The following GPR85 variants were observed in gnomAD, a reference collection of about 807,000 sequenced individuals.
The protein encoded by GPR85 is G protein-coupled receptor 85, also known as probable G protein-coupled receptor 85.
Under a neutral mutation model 21.3 loss-of-function variants are expected in GPR85, and 7 were observed. The ratio of observed to expected loss-of-function variants is 0.33; its 90% CI spans 0.19 to 0.62. GPR85 has a LOEUF of 0.62. Among genes scored for constraint, GPR85 ranks in the 20% least tolerant of loss-of-function variants. The pLI, the probability that GPR85 is intolerant of heterozygous loss-of-function variation, is 0.80. For missense variants in GPR85, 299 were observed against 443.8 expected (o/e 0.67, Z 2.93); for synonymous variants, 167 against 166.1 (o/e 1.01, Z -0.04).
chr7:113,084,442 A>T lies in GPR85; in HGVS notation c.280T>A (p.Cys94Ser). 1 of 1,614,106 alleles carries T rather than the reference A, an allele frequency of 6.2e-7. No homozygotes were observed. Among genetic ancestry groups the T allele is most frequent in the Non-Finnish European group, 8.5e-7 (1 of 1,179,952 alleles). ...ACCCCCAGAAAGGCAATCACTTTGC[A>T]AGTCAGAGTCCCATAAGTCCAGGTA... is the stretch of plus-strand genomic sequence containing the variant. ...GSTWTYGTLT[C>S]KVIAFLGVLS... The change falls in exon 3 of 3, where the codon TGC (cysteine) becomes AGC (serine). Residue 94 changes from cysteine (C) to serine (S), a missense_variant. By Grantham distance (112) the Cys-to-Ser change is moderately radical. This residue lies in a region of GPR85 where 101 missense variants were observed against 108.4 expected (regional missense o/e 0.93). Coordinates refer to ENST00000424100, the MANE Select transcript of GPR85 (RefSeq NM_001146267.2).
In GPR85 at chr7:113,083,479, C is replaced by A. The variant is rs1334240625; in HGVS notation, c.*130G>T. ...TATAGGTGAACTATTGCAAAGACTG[C>A]AGAATGTTGCCCAAATCCTTAAAAC... On this transcript the variant is annotated 3_prime_UTR_variant, in exon 3 of 3. Coordinates refer to ENST00000424100, the MANE Select transcript of GPR85 (RefSeq NM_001146267.2). The surrounding 1 kb of genome is among the most constrained non-coding windows in gnomAD (Gnocchi z 4.4). The A allele has an allele frequency of 3.7e-6, 3 of 810,676 alleles. No homozygotes were observed. Among genetic ancestry groups the A allele is most frequent in the Non-Finnish European group, 4.0e-6 (2 of 494,822 alleles). 50.2% of individuals were successfully genotyped at this position (810,676 alleles called of 1,614,324 possible).
rs571679337 is a variant in GPR85 at position 113,084,299 on chromosome 7, C to G, written c.423G>C (p.Val141=). Residue 141 remains valine, a synonymous_variant, in exon 3 of 3, where the codon GTG becomes GTC. Coordinates refer to ENST00000424100, the MANE Select transcript of GPR85 (RefSeq NM_001146267.2). ...CAGACAGAGTCCACACCATACAGAT[C>G]ACAGCCAGACACGTCCAAAAGGTCA... ...KRLTFWTCLA[V]ICMVWTLSVA... 6.8e-6 allele frequency: 11 copies of G among 1,614,108 alleles called. No individual in the cohort carries two copies. The East Asian group carries it at 8.9e-5, about 13-fold the overall frequency.
In GPR85 at chr7:113,086,402, T is replaced by TTTTTTTG. The variant is rs1794289077; in HGVS notation, c.-370_-369insCAAAAAA. On this transcript the variant is annotated 5_prime_UTR_variant, in exon 1 of 3. It introduces an in-frame stop codon into an upstream open reading frame of the 5' UTR. Coordinates refer to ENST00000424100, the MANE Select transcript of GPR85 (RefSeq NM_001146267.2). ...TTTTTCTTTTTTTCTTTTTCTTTTTTTTTTTTTTTTTTTTGTTTTTTGTTT... is the reference window on the plus strand; with the variant it reads ...TTTTTCTTTTTTTCTTTTTCTTTTTTTTTTTTGTTTTTTTTTTTTTTGTTTTTTGTTT... The TTTTTTTG allele has an allele frequency of 1.1e-5, 1 of 91,278 alleles. No homozygotes were observed. The highest frequency in any genetic ancestry group is 1.2e-4 in the Admixed American group (1 of 8,112). The allele number at this position is 91,278 out of a possible 1,614,324, so 5.7% of individuals were successfully genotyped here.
In GPR85 at chr7:113,084,785, A is replaced by G. The variant is rs182480888; in HGVS notation, c.-64T>C. On this transcript the variant is annotated 5_prime_UTR_variant, in exon 3 of 3. Coordinates refer to ENST00000424100, the MANE Select transcript of GPR85 (RefSeq NM_001146267.2). ...TCATGATCTAGATATAAGAACAAGGAAAAGATAGATCCATACATTTTACTG... is the reference window on the plus strand; with the variant it reads ...TCATGATCTAGATATAAGAACAAGGGAAAGATAGATCCATACATTTTACTG... The G allele has an allele frequency of 3.4e-4, 398 of 1,172,030 alleles. No homozygotes were observed. Among genetic ancestry groups the G allele is most frequent in the Admixed American group, 1.1e-3 (49 of 43,674 alleles). 72.6% of individuals were successfully genotyped at this position (1,172,030 alleles called of 1,614,324 possible). A position where few individuals can be genotyped will look rare whatever the true frequency, so the allele number is the denominator to read the frequency against.
In GPR85 at chr7:113,083,604, C is replaced by T; in HGVS notation, c.*5G>A. Reference sequence around the variant, plus strand: ...TCACAAGGCTAAAGATTTACAGATGCTCCCTCATATAACACAGTAAGGTTC... The same window carrying T: ...TCACAAGGCTAAAGATTTACAGATGTTCCCTCATATAACACAGTAAGGTTC... On this transcript the variant is annotated 3_prime_UTR_variant, in exon 3 of 3. Coordinates refer to ENST00000424100, the MANE Select transcript of GPR85 (RefSeq NM_001146267.2). This position sits in a 1 kb window ranked among gnomAD's most constrained non-coding sequence, Gnocchi z 4.4. 6.2e-7 allele frequency: 1 copy of T among 1,604,494 alleles called. No homozygotes were observed. Among genetic ancestry groups the T allele is most frequent in the Non-Finnish European group, 8.5e-7 (1 of 1,175,214 alleles).
At chr7:113,087,621 G>C (rs1794341196), upstream of GPR85, 1 of 154,442 alleles carries the variant, frequency 6.5e-6, no homozygotes, top group African/African-American at 2.4e-5. Context: ...TAGCAGACAC[G>C]CTTTCATTAA....
chr7:113,084,002 A>G lies in GPR85; in HGVS notation c.720T>C (p.Ala240=). The change falls in exon 3 of 3, where the codon GCT becomes GCC. Residue 240 remains alanine, a synonymous_variant. Transcript: ENST00000424100. ...TTCCAAATCCTGCTAGCCAATTGGC[A>G]GCTGCCTGGCCACTGGCTCCAGGAC... The part of the protein sequence containing the change: ...FHGPGASGQA[A]ANWLAGFGRG... The G allele has an allele frequency of 1.2e-6, 2 of 1,614,178 alleles. No individual in the cohort carries two copies. The highest frequency in any genetic ancestry group is 1.7e-6 in the Non-Finnish European group (2 of 1,180,026).
chr7:113,085,481 C>T (rs1298146125), intron 2 of GPR85, among the ~76,000 whole-genome samples: 1 of 152,220 alleles, frequency 6.6e-6, no homozygotes, highest in Admixed American at 6.5e-5. Context: ...CTCCACCCTA[C>T]CCCCCATTTC....
intron 2 of GPR85, among the ~76,000 whole-genome samples, chr7:113,085,469 C>T (rs2115768641): frequency 6.6e-6 from 1 of 152,272 alleles, no homozygotes; most frequent in South Asian, 2.1e-4. Flanking sequence ...TTGTCTTTCC[C>T]TCTCCACCCT....
rs1482237373 is a variant in GPR85 at position 113,082,929 on chromosome 7, C to A, written c.*680G>T. The stretch of plus-strand genomic sequence containing the variant: ...AAACTTTATACCAAATCAACAAAAA[C>A]CACATAATACAGTTCAATGCTAGCA... On this transcript the variant is annotated 3_prime_UTR_variant, in exon 3 of 3. Coordinates refer to ENST00000424100, the MANE Select transcript of GPR85 (RefSeq NM_001146267.2). The A allele has an allele frequency of 6.6e-6, 1 of 152,496 alleles. No individual in the cohort carries two copies. Among genetic ancestry groups the A allele is most frequent in the East Asian group, 1.9e-4 (1 of 5,188 alleles). 9.4% of individuals were successfully genotyped at this position (152,496 alleles called of 1,614,324 possible).
rs1176014726 is a variant in GPR85, at chr7:113,083,983, A to G, written c.739T>C (p.Phe247Leu). ...GTGGGTGGTGTGGGACCCCTTCCAA[A>G]TCCTGCTAGCCAATTGGCAGCTGCC... ...GQAAANWLAG[F>L]GRGPTPPTLL... The change falls in exon 3 of 3, where the codon TTT (phenylalanine) becomes CTT (leucine). Residue 247 changes from phenylalanine (F) to leucine (L), a missense_variant. Around this residue, in one of 2 missense-constraint regions of GPR85, gnomAD observed 198 missense variants for 335.4 expected, o/e 0.59. Transcript: ENST00000424100. This position sits in a 1 kb window ranked among gnomAD's most constrained non-coding sequence, Gnocchi z 4.4. The G allele has an allele frequency of 2.5e-6, 4 of 1,614,108 alleles. No individual in the cohort carries two copies. The highest frequency in any genetic ancestry group is 2.2e-5 in the East Asian group (1 of 44,868).
chr7:113,086,397 T>TTTTTTTTTTTTTTTTTTG lies in GPR85; in HGVS notation c.-365_-364insCAAAAAAAAAAAAAAAAA, dbSNP rs1562996764. The TTTTTTTTTTTTTTTTTTG allele has an allele frequency of 2.8e-3, 46 of 16,322 alleles. 6 individuals are homozygous for TTTTTTTTTTTTTTTTTTG. The highest frequency in any genetic ancestry group is 5.9e-3 in the Admixed American group (6 of 1,024). The allele number at this position is 16,322 out of a possible 1,614,324, so 1.0% of individuals were successfully genotyped here. On this transcript the variant is annotated 5_prime_UTR_variant, in exon 1 of 3. Transcript: ENST00000424100. ...TGATTTTTTTCTTTTTTTCTTTTTC[T>TTTTTTTTTTTTTTTTTTG]TTTTTTTTTTTTTTTTTTTGTTTTT... is the stretch of plus-strand genomic sequence containing the variant.
At chr7:113,085,361 T>G (rs1345305869) in intron 2 of GPR85, among the ~76,000 whole-genome samples, 1 of 152,250 alleles carries the variant, frequency 6.6e-6, no homozygotes, top group Non-Finnish European at 1.5e-5. Flanking sequence ...TCATGCTGCA[T>G]AAGAGTATTT....
rs1794167958 is a variant in GPR85, at chr7:113,082,633, C to G, written c.*976G>C. 2 of 152,452 alleles carry G rather than the reference C, an allele frequency of 1.3e-5. No individual in the cohort carries two copies. The highest frequency in any genetic ancestry group is 2.9e-5 in the Non-Finnish European group (2 of 68,022). 9.4% of individuals were successfully genotyped at this position (152,452 alleles called of 1,614,324 possible). On this transcript the variant is annotated 3_prime_UTR_variant, in exon 3 of 3. Transcript: ENST00000424100. ...AAAATCTCATTATTTCAGTGATGTG[C>G]ACTTTAAGTTTCAAACCATGTGAGA...
In GPR85 at chr7:113,083,734, C is replaced by G; in HGVS notation, c.988G>C (p.Ala330Pro). ...ACAAAAGGATTGATTCCTGCTTGGG[C>G]AAAACTCATCCAGACAGCAGCTGTT... ...FLTAAVWMSF[A>P]QAGINPFVCI... is the part of the protein sequence containing the mutation. The change falls in exon 3 of 3, where the codon GCC becomes CCC. Residue 330 changes from alanine (A) to proline (P), a missense_variant. This residue lies in a region of GPR85 where 198 missense variants were observed against 335.4 expected (regional missense o/e 0.59). Coordinates refer to ENST00000424100, the MANE Select transcript of GPR85 (RefSeq NM_001146267.2). This position sits in a 1 kb window ranked among gnomAD's most constrained non-coding sequence, Gnocchi z 4.4. 7.4e-6 allele frequency: 12 copies of G among 1,614,228 alleles called. No homozygotes were observed. The highest frequency in any genetic ancestry group is 1.0e-5 in the Non-Finnish European group (12 of 1,180,036).
In GPR85 at chr7:113,086,390, C is replaced by CTTTTTTTTTTTTTTTTTTTTTTTTT. The variant is rs1794280731; in HGVS notation, c.-358_-357insAAAAAAAAAAAAAAAAAAAAAAAAA. 2 of 25,298 alleles carry CTTTTTTTTTTTTTTTTTTTTTTTTT rather than the reference C, an allele frequency of 7.9e-5. No individual in the cohort carries two copies. The highest frequency in any genetic ancestry group is 1.6e-4 in the Non-Finnish European group (2 of 12,724). 1.6% of individuals were successfully genotyped at this position (25,298 alleles called of 1,614,324 possible). A position where few individuals can be genotyped will look rare whatever the true frequency, so the allele number is the denominator to read the frequency against. On this transcript the variant is annotated 5_prime_UTR_variant, in exon 1 of 3. The change abolishes the stop of an existing upstream ORF in the 5' untranslated region. Coordinates refer to ENST00000424100, the MANE Select transcript of GPR85 (RefSeq NM_001146267.2). ...AAATTGCTGATTTTTTTCTTTTTTTCTTTTTCTTTTTTTTTTTTTTTTTTT... is the reference window on the plus strand; with the variant it reads ...AAATTGCTGATTTTTTTCTTTTTTTCTTTTTTTTTTTTTTTTTTTTTTTTTTTTTTCTTTTTTTTTTTTTTTTTTT...
At position 113,086,431 on chromosome 7, in the gene GPR85, T is replaced by TTTTG. The variant is rs1794301869; in HGVS notation, c.-399_-398insCAAA. On this transcript the variant is annotated 5_prime_UTR_variant, in exon 1 of 3. It introduces an in-frame stop codon into an upstream open reading frame of the 5' UTR. Coordinates refer to ENST00000424100, the MANE Select transcript of GPR85 (RefSeq NM_001146267.2). ...TTTTTTTTTTTGTTTTTTGTTTTTT[T>TTTTG]TTTTTTTTTTTTTGCCTTAGTGCCT... 9.2e-6 allele frequency: 1 copy of TTTTG among 108,242 alleles called. No individual in the cohort carries two copies. The highest frequency in any genetic ancestry group is 3.6e-5 in the African/African-American group (1 of 27,700). 6.7% of individuals were successfully genotyped at this position (108,242 alleles called of 1,614,324 possible). A position where few individuals can be genotyped will look rare whatever the true frequency, so the allele number is the denominator to read the frequency against.
In GPR85 at chr7:113,084,854, C is replaced by T; in HGVS notation, c.-133G>A. 2 of 462,442 alleles carry T rather than the reference C, an allele frequency of 4.3e-6. No homozygotes were observed. Among genetic ancestry groups the T allele is most frequent in the Non-Finnish European group, 7.5e-6 (2 of 265,346 alleles). 28.6% of individuals were successfully genotyped at this position (462,442 alleles called of 1,614,324 possible). A position where few individuals can be genotyped will look rare whatever the true frequency, so the allele number is the denominator to read the frequency against. On this transcript the variant is annotated 5_prime_UTR_variant, in exon 3 of 3. Coordinates refer to ENST00000424100, the MANE Select transcript of GPR85 (RefSeq NM_001146267.2). ...AGAACTGATCTGATCTGCAGTCATG[C>T]TTCCTCTTTTCTTCCACTTGTTTTG...
Position 113,086,396 on chromosome 7 carries a change from C to CTTTTTTTTTTTTTTTTTTTGTTTT in GPR85, c.-364_-363insAAAACAAAAAAAAAAAAAAAAAAA, listed in dbSNP as rs1794284507. The stretch of plus-strand genomic sequence containing the variant: ...CTGATTTTTTTCTTTTTTTCTTTTT[C>CTTTTTTTTTTTTTTTTTTTGTTTT]TTTTTTTTTTTTTTTTTTTTGTTTT... On this transcript the variant is annotated 5_prime_UTR_variant, in exon 1 of 3. Coordinates refer to ENST00000424100, the MANE Select transcript of GPR85 (RefSeq NM_001146267.2). 1 of 48,066 alleles carries CTTTTTTTTTTTTTTTTTTTGTTTT rather than the reference C, an allele frequency of 2.1e-5. No homozygotes were observed. Among genetic ancestry groups the CTTTTTTTTTTTTTTTTTTTGTTTT allele is most frequent in the African/African-American group, 9.1e-5 (1 of 10,958 alleles). 3.0% of individuals were successfully genotyped at this position (48,066 alleles called of 1,614,324 possible).
Sources: allele counts gnomAD v4.1 joint callset (sites outside exome capture counted in the v4.1 genomes callset), GRCh38; gene constraint gnomAD v4.1.1; regional missense constraint gnomAD v4.1.1; non-coding constraint Gnocchi (gnomAD v3.1); transcripts MANE v1.5; gene names NCBI Gene and HGNC (gene_info 2026-07-23, HGNC 2026-07-21).